CLPTM1: variants seen among roughly 807,000 people sequenced by gnomAD.
The protein encoded by CLPTM1 is putative lipid scramblase CLPTM1.
CLPTM1 carries 21 observed loss-of-function variants against 77.3 expected under a neutral mutation model. The observed-to-expected ratio is 0.27, with a 90% CI of 0.19 to 0.39. CLPTM1 has a LOEUF of 0.39. Among genes scored for constraint, CLPTM1 ranks in the 10% least tolerant of loss-of-function variants. The probability of loss-of-function intolerance (pLI) is 1.00; values close to 1 mark genes in which losing one functional copy is unlikely to be tolerated. For missense variants in CLPTM1, 642 were observed against 921.2 expected (o/e 0.70, Z 3.92); for synonymous variants, 373 against 381.0 (o/e 0.98, Z 0.24).
Position 44,990,696 on chromosome 19 carries a change from C to A in CLPTM1, c.1323+111C>A. 7.3e-7 allele frequency: 1 copy of A among 1,372,126 alleles called. No individual in the cohort carries two copies. Among genetic ancestry groups the A allele is most frequent in the Non-Finnish European group, 1.0e-6 (1 of 979,102 alleles). The allele number at this position is 1,372,126 out of a possible 1,614,324, so 85.0% of individuals were successfully genotyped here. ...CGGGGGATTCCCAGCAAGTGCCTCACTCCCAGGACTGAGGGGATTTTCTCA... is the reference window on the plus strand; with the variant it reads ...CGGGGGATTCCCAGCAAGTGCCTCAATCCCAGGACTGAGGGGATTTTCTCA... On this transcript the variant is annotated intron_variant, in intron 10 of 13. Transcript: ENST00000337392. The surrounding 1 kb of genome is among the most constrained non-coding windows in gnomAD (Gnocchi z 4.8).
intron 1 of CLPTM1, among the ~76,000 whole-genome samples, chr19:44,956,919 G>A (rs1970473203): frequency 6.6e-6 from 1 of 152,148 alleles, no homozygotes; most frequent in Non-Finnish European, 1.5e-5. Context: ...CTCGAGCTCG[G>A]CACTATCAAC....
chr19:44,986,724 AT>A (rs1405237069), intron 7 of CLPTM1, 149 bp downstream of exon 7: 3 of 1,018,122 alleles, frequency 2.9e-6, no homozygotes, highest in Middle Eastern at 3.2e-4. Context: ...TCCCCTTCCC[AT>A]GTCCTCTCCC....
At position 44,987,376 on chromosome 19, in the gene CLPTM1, G is replaced by T; in HGVS notation, c.991G>T (p.Gly331Cys). 6.2e-7 allele frequency: 1 copy of T among 1,614,044 alleles called. No homozygotes were observed. Among genetic ancestry groups the T allele is most frequent in the Non-Finnish European group, 8.5e-7 (1 of 1,179,908 alleles). The stretch of plus-strand genomic sequence containing the variant: ...CACCAAGTCGCCCTGGAACTTCCTG[G>T]GTGATGAGTTGTACGAGCAGTCAGA... Reference protein sequence around the residue: ...QSTKSPWNFLGDELYEQSDEE... With the variant: ...QSTKSPWNFLCDELYEQSDEE... The change falls in exon 8 of 14, where the codon GGT becomes TGT. Residue 331 changes from glycine to cysteine, a missense_variant. By Grantham distance (159) the Gly-to-Cys change is radical. Transcript: ENST00000337392.
chr19:44,986,724 A>C, intron 7 of CLPTM1, 149 bp downstream of exon 7: 1 of 1,018,122 alleles, frequency 9.8e-7, no homozygotes, highest in Non-Finnish European at 1.4e-6. Flanking sequence ...TCCCCTTCCC[A>C]TGTCCTCTCC....
At chr19:44,965,227 C>G (rs1434953178) in intron 2 of CLPTM1, among the ~76,000 whole-genome samples, 2 of 152,132 alleles carry the variant, frequency 1.3e-5, no homozygotes, top group Non-Finnish European at 2.9e-5. Context: ...CCGCCAGGTG[C>G]GGTGGCTCAC....
At chr19:44,976,629 G>T (rs184740139) in intron 4 of CLPTM1, among the ~76,000 whole-genome samples, 6 of 152,268 alleles carry the variant, frequency 3.9e-5, no homozygotes, top group Non-Finnish European at 7.4e-5. Flanking sequence ...CCTTCTTGAA[G>T]CCTCAGTTTC....
intron 5 of CLPTM1, among the ~76,000 whole-genome samples, chr19:44,984,779 C>T (rs1368091187): frequency 6.6e-6 from 1 of 152,178 alleles, no homozygotes; most frequent in Non-Finnish European, 1.5e-5. Flanking sequence ...CTCCACCTCC[C>T]TAGTTCAAGC....
At chr19:44,975,208 C>T (rs911946618) in intron 4 of CLPTM1, among the ~76,000 whole-genome samples, 1 of 152,234 alleles carries the variant, frequency 6.6e-6, no homozygotes, top group African/African-American at 2.4e-5. Flanking sequence ...CTTGGTTAAG[C>T]ACCCTCTCTG....
chr19:44,964,698 T>C (rs1970600575), intron 2 of CLPTM1, among the ~76,000 whole-genome samples: 1 of 152,188 alleles, frequency 6.6e-6, no homozygotes, highest in African/African-American at 2.4e-5. Context: ...ATCCCGAGAA[T>C]TTACTCTTCC....
intron 5 of CLPTM1, among the ~76,000 whole-genome samples, chr19:44,983,450 C>T (rs1970928520): frequency 6.6e-6 from 1 of 150,866 alleles, no homozygotes; most frequent in Non-Finnish European, 1.5e-5. Flanking sequence ...GACACCCTGT[C>T]TCTACTAAAA....
At chr19:44,970,415 T>TC in intron 2 of CLPTM1, among the ~76,000 whole-genome samples, 1 of 144,758 alleles carries the variant, frequency 6.9e-6, no homozygotes, top group Middle Eastern at 3.4e-3. Context: ...TTTTTTTTTT[T>TC]TTGAGACAGG....
chr19:44,992,447 G>T lies in CLPTM1; in HGVS notation c.1723+47G>T. Reference sequence around the variant, plus strand: ...GGAGCTCCCACCGGAACAGGGCCCTGAGGCAGTCTTTAGGGCCCAGGCCTG... The same window carrying T: ...GGAGCTCCCACCGGAACAGGGCCCTTAGGCAGTCTTTAGGGCCCAGGCCTG... On this transcript the variant is annotated intron_variant, in intron 13 of 13. Coordinates refer to ENST00000337392, the MANE Select transcript of CLPTM1 (RefSeq NM_001294.4). The surrounding 1 kb of genome is among the most constrained non-coding windows in gnomAD (Gnocchi z 7.7). 6.2e-7 allele frequency: 1 copy of T among 1,610,052 alleles called. No individual in the cohort carries two copies.
chr19:44,954,975 CG>C, upstream of CLPTM1: 1 of 1,535,132 alleles, frequency 6.5e-7, no homozygotes, highest in Non-Finnish European at 8.7e-7. Flanking sequence ...GGGCGTGGTT[CG>C]AAGCCGTACA....
chr19:44,984,860 T>C (rs567391545), intron 5 of CLPTM1, among the ~76,000 whole-genome samples: 1 of 152,158 alleles, frequency 6.6e-6, no homozygotes, highest in African/African-American at 2.4e-5. Context: ...CTGATTTTTG[T>C]ATTTTTATTA....
At chr19:44,963,020 G>C (rs551088339) in intron 2 of CLPTM1, among the ~76,000 whole-genome samples, 1 of 148,850 alleles carries the variant, frequency 6.7e-6, no homozygotes. Flanking sequence ...GAAAGACTCC[G>C]TCTCAAAAAA....
Position 44,992,324 on chromosome 19 carries a change from C to A in CLPTM1, c.1647C>A (p.Leu549=). The A allele has an allele frequency of 6.2e-7, 1 of 1,614,158 alleles. No individual in the cohort carries two copies. Among genetic ancestry groups the A allele is most frequent in the Non-Finnish European group, 8.5e-7 (1 of 1,180,008 alleles). Reference sequence around the variant, plus strand: ...GGCGCATGCTCACCTACAAGGCCCTCAACACATTCATCGACGACCTGTTCG... The same window carrying A: ...GGCGCATGCTCACCTACAAGGCCCTAAACACATTCATCGACGACCTGTTCG... ...LPWRMLTYKA[L]NTFIDDLFAF... The change falls in exon 13 of 14, where the codon CTC becomes CTA. Residue 549 remains leucine (L), a synonymous_variant. Transcript: ENST00000337392. This position sits in a 1 kb window ranked among gnomAD's most constrained non-coding sequence, Gnocchi z 7.7.
intron 2 of CLPTM1, among the ~76,000 whole-genome samples, chr19:44,966,343 G>A (rs968850841): frequency 2.0e-5 from 3 of 152,114 alleles, no homozygotes; most frequent in Non-Finnish European, 2.9e-5. Flanking sequence ...CCTAGGAGGC[G>A]GAGCTTGCAG....
chr19:44,986,902 AT>A, intron 7 of CLPTM1: 1 of 534,594 alleles, frequency 1.9e-6, no homozygotes. Flanking sequence ...TTTCTGGCTT[AT>A]TTTATAAAAC....
In CLPTM1 at chr19:44,990,611, C is replaced by G; in HGVS notation, c.1323+26C>G. The G allele has an allele frequency of 6.2e-7, 1 of 1,609,010 alleles. No individual in the cohort carries two copies. Among genetic ancestry groups the G allele is most frequent in the Middle Eastern group, 1.8e-4 (1 of 5,502 alleles). On this transcript the variant is annotated intron_variant, in intron 10 of 13. Coordinates refer to ENST00000337392, the MANE Select transcript of CLPTM1 (RefSeq NM_001294.4). This position sits in a 1 kb window ranked among gnomAD's most constrained non-coding sequence, Gnocchi z 4.8. ...GTAAGGCTGGGGCGCCATGCTGTCTCGGGAGCTGCAGGGGTTGGGAGGGGG... is the reference window on the plus strand; with the variant it reads ...GTAAGGCTGGGGCGCCATGCTGTCTGGGGAGCTGCAGGGGTTGGGAGGGGG...
Sources: allele counts gnomAD v4.1 joint callset (sites outside exome capture counted in the v4.1 genomes callset), GRCh38; gene constraint gnomAD v4.1.1; non-coding constraint Gnocchi (gnomAD v3.1); transcripts MANE v1.5; gene names NCBI Gene and HGNC (gene_info 2026-07-23, HGNC 2026-07-21).